EPHA5: variants seen among roughly 807,000 people sequenced by gnomAD.
EPHA5 encodes the protein ephrin type-A receptor 5.
In EPHA5, 60 loss-of-function variants were observed where a neutral mutation model predicts 105.0. The observed-to-expected ratio is 0.57, with a 90% confidence interval of 0.46 to 0.71. The LOEUF is 0.71. Among genes scored for constraint, EPHA5 ranks in the 30% least tolerant of loss-of-function variants. The pLI, the probability that EPHA5 is intolerant of heterozygous loss-of-function variation, is 0.00. For missense variants in EPHA5, 1,218 were observed against 1,274.7 expected (o/e 0.96, Z 0.68); for synonymous variants, 513 against 449.1 (o/e 1.14, Z -1.80).
At chr4:65,460,163 G>A (rs1367311599) in intron 5 of EPHA5, among the ~76,000 whole-genome samples, 1 of 151,380 alleles carries the variant, frequency 6.6e-6, no homozygotes, top group Non-Finnish European at 1.5e-5. Context: ...ATATGTACAT[G>A]TATTCTGCTG....
At chr4:65,479,855 A>T (rs1366722826) in intron 5 of EPHA5, among the ~76,000 whole-genome samples, 1 of 152,202 alleles carries the variant, frequency 6.6e-6, no homozygotes, top group African/African-American at 2.4e-5. Context: ...TTAAATAAAT[A>T]TATTCATAAT....
intron 3 of EPHA5, among the ~76,000 whole-genome samples, chr4:65,561,475 C>A (rs1739012925): frequency 6.6e-6 from 1 of 152,054 alleles, no homozygotes; most frequent in Non-Finnish European, 1.5e-5. Context: ...AGACTGAGTG[C>A]AATGTGCTGA....
intron 5 of EPHA5, among the ~76,000 whole-genome samples, chr4:65,476,727 A>T (rs1450181382): frequency 1.3e-5 from 2 of 152,168 alleles, no homozygotes; most frequent in Non-Finnish European, 2.9e-5. Flanking sequence ...TAATTAATTA[A>T]TTTTAAAATA....
chr4:65,570,493 G>A (rs191564438), intron 3 of EPHA5, among the ~76,000 whole-genome samples: 21 of 149,946 alleles, frequency 1.4e-4, no homozygotes, highest in Admixed American at 1.3e-3. Flanking sequence ...TCATGCAAAT[G>A]TTCTGATTCC....
At chr4:65,654,845 T>C (rs1327531183) in intron 1 of EPHA5, among the ~76,000 whole-genome samples, 1 of 147,170 alleles carries the variant, frequency 6.8e-6, no homozygotes, top group African/African-American at 2.5e-5. Flanking sequence ...TTTACCATTA[T>C]GGATATATAT....
chr4:65,505,280 A>G (rs1443627073), intron 3 of EPHA5, among the ~76,000 whole-genome samples: 3 of 152,052 alleles, frequency 2.0e-5, no homozygotes. Flanking sequence ...GAAAAAAGAT[A>G]TCTATCTGAA....
chr4:65,399,342 A>G (rs1296391194), intron 8 of EPHA5, among the ~76,000 whole-genome samples: 2 of 152,186 alleles, frequency 1.3e-5, no homozygotes, highest in East Asian at 3.9e-4. Context: ...TCACTCATGC[A>G]CCCCTCACTG....
intron 5 of EPHA5, among the ~76,000 whole-genome samples, chr4:65,455,835 A>G (rs946694728): frequency 6.6e-6 from 1 of 152,192 alleles, no homozygotes; most frequent in Non-Finnish European, 1.5e-5. Context: ...TGCCCTGAAC[A>G]CATAGGATCG....
In EPHA5 at chr4:65,323,022, A is replaced by C. The variant is rs781115802; in HGVS notation, c.*1092T>G. ...AGTTAAATCCTTCTACATCCTGCTG[A>C]AAATGTGCCCTTCGGTGTCAACTTT... On this transcript the variant is annotated 3_prime_UTR_variant, in exon 17 of 17. Coordinates refer to ENST00000613740, the MANE Select transcript of EPHA5 (RefSeq NM_001281766.3). 2.2e-5 allele frequency: 5 copies of C among 229,038 alleles called. No homozygotes were observed. The highest frequency in any genetic ancestry group is 4.3e-5 in the Non-Finnish European group (5 of 115,430). 14.2% of individuals were successfully genotyped at this position (229,038 alleles called of 1,614,324 possible).
chr4:65,473,306 T>A (rs1729469784), intron 5 of EPHA5, among the ~76,000 whole-genome samples: 1 of 152,148 alleles, frequency 6.6e-6, no homozygotes, highest in Non-Finnish European at 1.5e-5. Context: ...ACTTTCACAT[T>A]TTCAGGTATC....
chr4:65,348,707 ATGTGTGTG>A (rs1228105158), intron 13 of EPHA5, among the ~76,000 whole-genome samples: 4 of 122,244 alleles, frequency 3.3e-5, no homozygotes, highest in Non-Finnish European at 5.1e-5. Context: ...TAAAATATAT[ATGTGTGTG>A]TATATATATG....
chr4:65,508,317 A>G (rs58710076), intron 3 of EPHA5, among the ~76,000 whole-genome samples: 8,785 of 152,156 alleles, frequency 0.058, 864 homozygotes, highest in African/African-American at 0.2. Flanking sequence ...CCAGCTATGA[A>G]TCATTGAGTG....
chr4:65,345,700 T>C (rs1329452658), intron 14 of EPHA5, among the ~76,000 whole-genome samples: 1 of 152,230 alleles, frequency 6.6e-6, no homozygotes, highest in Non-Finnish European at 1.5e-5. Flanking sequence ...AACTAATGCC[T>C]AGGCAATTTG....
chr4:65,351,678 C>A, intron 12 of EPHA5, 80 bp from the exon 13 acceptor site: 1 of 1,218,276 alleles, frequency 8.2e-7, no homozygotes, highest in Non-Finnish European at 1.2e-6. Context: ...TTCAATCCCC[C>A]AAATTGATAC....
At chr4:65,374,231 T>C (rs922924693) in intron 8 of EPHA5, among the ~76,000 whole-genome samples, 2 of 151,932 alleles carry the variant, frequency 1.3e-5, no homozygotes, top group Admixed American at 6.6e-5. Context: ...GCTTAAACTT[T>C]AGGCGTCTGA....
At chr4:65,359,802 C>T (rs1158970613) in intron 11 of EPHA5, among the ~76,000 whole-genome samples, 1 of 151,624 alleles carries the variant, frequency 6.6e-6, no homozygotes, top group Non-Finnish European at 1.5e-5. Context: ...TCTTCTTAAC[C>T]CAGCAGCCTT....
intron 3 of EPHA5, among the ~76,000 whole-genome samples, chr4:65,520,077 C>T (rs1010961367): frequency 6.6e-6 from 1 of 152,174 alleles, no homozygotes; most frequent in Non-Finnish European, 1.5e-5. Context: ...CAAGACAATC[C>T]TAAGCCAAAA....
chr4:65,340,735 C>A (rs141186552), intron 14 of EPHA5, among the ~76,000 whole-genome samples: 2 of 152,096 alleles, frequency 1.3e-5, no homozygotes, highest in South Asian at 2.1e-4. Context: ...TGAACCTATG[C>A]GAAGTAAGTG....
chr4:65,666,611 C>CTT (rs1165476159), intron 1 of EPHA5, among the ~76,000 whole-genome samples: 1 of 152,116 alleles, frequency 6.6e-6, no homozygotes, highest in African/African-American at 2.4e-5. Context: ...CCTCTGAAAT[C>CTT]TTTTATAATA....
Sources: gnomAD v4.1 joint callset for allele counts (sites outside exome capture counted in the v4.1 genomes callset) on GRCh38, gnomAD v4.1.1 for gene constraint, MANE v1.5 for transcripts, NCBI Gene and HGNC (gene_info 2026-07-23, HGNC 2026-07-21) for gene names.